G2E3: variants seen among roughly 807,000 people sequenced by gnomAD.
G2E3 encodes the protein G2/M-phase specific E3 ubiquitin protein ligase.
Under a neutral mutation model 92.8 loss-of-function variants are expected in G2E3, and 35 were observed. The observed-to-expected ratio is 0.38, with a 90% CI of 0.29 to 0.50. The LOEUF (loss-of-function observed/expected upper bound fraction) is 0.50. G2E3 is among the 20% of genes least tolerant of loss of function. G2E3 has a pLI of 0.94. For synonymous variants in G2E3, 242 were observed against 272.4 expected, an observed-to-expected ratio of 0.89 and a Z score of 1.10; for missense variants, 554 against 823.8, an observed-to-expected ratio of 0.67 and a Z score of 4.01.
intron 1 of G2E3, among the ~76,000 whole-genome samples, chr14:30,569,961 A>G (rs1446612459): frequency 6.6e-6 from 1 of 152,200 alleles, no homozygotes; most frequent in Non-Finnish European, 1.5e-5. Flanking sequence ...CAATTACGTT[A>G]TAATATCACC....
chr14:30,604,904 A>G lies in G2E3; in HGVS notation c.1011-601A>G, dbSNP rs541475716. ...CATTCATTCATTCATTCATTCATTC[A>G]TTCATTTATGAGACGGAGTTTCGCT... On this transcript the variant is annotated intron_variant, in intron 10 of 14. Transcript: ENST00000206595. 9.0e-4 allele frequency among the ~76,000 whole-genome samples: 133 copies of G among 147,076 alleles called. 1 individual carries two copies. Among genetic ancestry groups the G allele is most frequent in the African/African-American group, 3.5e-3 (129 of 36,804 alleles).
chr14:30,616,536 A>G lies in G2E3; in HGVS notation c.*2A>G, dbSNP rs1418001197. The G allele has an allele frequency of 1.3e-6, 2 of 1,577,844 alleles. No individual in the cohort carries two copies. The highest frequency in any genetic ancestry group is 2.7e-5 in the African/African-American group (2 of 72,936). Reference sequence around the variant, plus strand: ...AGTTCTCATTACATTGGACATTAAAATGTTTCCTTGAACAAAGAGAAGCTT... The same window carrying G: ...AGTTCTCATTACATTGGACATTAAAGTGTTTCCTTGAACAAAGAGAAGCTT... On this transcript the variant is annotated 3_prime_UTR_variant, in exon 15 of 15. Coordinates refer to ENST00000206595, the MANE Select transcript of G2E3 (RefSeq NM_017769.5).
chr14:30,592,543 T>C, intron 5 of G2E3, 96 bp downstream of exon 5: 1 of 963,098 alleles, frequency 1.0e-6, no homozygotes, highest in Non-Finnish European at 1.5e-6. Context: ...ATTTTCTGTT[T>C]AGAGCATCAG....
chr14:30,598,634 CT>C (rs1881407202), intron 8 of G2E3, 35 bp downstream of exon 8: 1 of 1,253,008 alleles, frequency 8.0e-7, no homozygotes, highest in Non-Finnish European at 1.2e-6. Flanking sequence ...TTAGTGGTTC[CT>C]TGTTTAAACC....
At position 30,565,650 on chromosome 14, in the gene G2E3, C is replaced by CTT. The variant is rs537643569; in HGVS notation, c.-5+6406_-5+6407dup. 4.0e-4 allele frequency among the ~76,000 whole-genome samples: 25 copies of CTT among 62,256 alleles called. 4 individuals carry two copies. Among genetic ancestry groups the CTT allele is most frequent in the East Asian group, 1.7e-3 (3 of 1,780 alleles). 40.8% of individuals were successfully genotyped at this position (62,256 alleles called of 152,430 possible). A position where few individuals can be genotyped will look rare whatever the true frequency, so the allele number is the denominator to read the frequency against. On this transcript the variant is annotated intron_variant, in intron 1 of 14. Coordinates refer to ENST00000206595, the MANE Select transcript of G2E3 (RefSeq NM_017769.5). ...GTGAGGTAGGGGTTCAACTTCATTCCTTTTTTTTTTTTTTTTTTTTTTTTT... is the reference window on the plus strand; with the variant it reads ...GTGAGGTAGGGGTTCAACTTCATTCCTTTTTTTTTTTTTTTTTTTTTTTTTTT...
intron 2 of G2E3, 96 bp downstream of exon 2, chr14:30,581,212 A>G (rs933652078): frequency 5.5e-6 from 4 of 731,644 alleles, no homozygotes; most frequent in Admixed American, 2.1e-5. Context: ...CCCTGGCACA[A>G]GCTTAGTTTG....
rs1881561971 is a variant in G2E3 at position 30,601,420 on chromosome 14, C to T, written c.753-350C>T. Among the ~76,000 whole-genome samples, 2 of 152,152 alleles carry T rather than the reference C, an allele frequency of 1.3e-5. 1 individual carries two copies. The highest frequency in any genetic ancestry group is 4.1e-4 in the South Asian group (2 of 4,826). On this transcript the variant is annotated intron_variant, in intron 8 of 14. Transcript: ENST00000206595. ...TACTGAATGTTTCTTCCATATCAGACACACTGACACAGCAATCTCCCTGTA... is the reference window on the plus strand; with the variant it reads ...TACTGAATGTTTCTTCCATATCAGATACACTGACACAGCAATCTCCCTGTA...
In G2E3 at chr14:30,605,723, A is replaced by G; in HGVS notation, c.1229A>G (p.Gln410Arg). 6.2e-7 allele frequency: 1 copy of G among 1,608,972 alleles called. No individual in the cohort carries two copies. The highest frequency in any genetic ancestry group is 2.2e-5 in the East Asian group (1 of 44,732). Residue 410 changes from glutamine to arginine, a missense_variant, in exon 11 of 15, where the codon CAA becomes CGA. By Grantham distance (43) the Gln-to-Arg change is conservative. This residue lies in a region of G2E3 where 397 missense variants were observed against 560.3 expected (regional missense o/e 0.71). Transcript: ENST00000206595. ...NFGSEHPGSK[Q>R]EFLSLLMQHL... ...GGAAGTGAGCATCCTGGATCAAAGCAAGAATTTCTGAGTCTCTTAATGCAA... is the reference window on the plus strand; with the variant it reads ...GGAAGTGAGCATCCTGGATCAAAGCGAGAATTTCTGAGTCTCTTAATGCAA...
intron 12 of G2E3, chr14:30,611,584 C>T (rs1240691735): frequency 6.6e-6 from 1 of 152,220 alleles, no homozygotes; most frequent in Middle Eastern, 3.4e-3. Flanking sequence ...TTTTAATTCT[C>T]AGCTGTTACT....
At chr14:30,597,661 TCTC>T in intron 7 of G2E3, 135 bp downstream of exon 7, 1 of 623,052 alleles carries the variant, frequency 1.6e-6, no homozygotes, top group South Asian at 2.0e-5. Flanking sequence ...TGCAAAACCT[TCTC>T]CTCCCCCACA....
intron 7 of G2E3, 146 bp downstream of exon 7, chr14:30,597,672 A>T: frequency 1.6e-6 from 1 of 607,368 alleles, no homozygotes; most frequent in Non-Finnish European, 3.0e-6. Flanking sequence ...CTCCTCCCCC[A>T]CATGGCCAGT....
intron 4 of G2E3, among the ~76,000 whole-genome samples, chr14:30,589,710 C>T (rs1272432497): frequency 5.3e-5 from 8 of 152,030 alleles, no homozygotes. Context: ...GACTTCACTT[C>T]CTTATCTTAT....
intron 3 of G2E3, among the ~76,000 whole-genome samples, chr14:30,587,843 A>G (rs1880798007): frequency 6.6e-6 from 1 of 152,202 alleles, no homozygotes; most frequent in Admixed American, 6.5e-5. Flanking sequence ...ACAGCCACAC[A>G]CTAATGTCAC....
rs1332490130 is a variant in G2E3 at position 30,619,570 on chromosome 14, A to G, written c.*3036A>G. 6.6e-6 allele frequency: 1 copy of G among 152,170 alleles called. No homozygotes were observed. The highest frequency in any genetic ancestry group is 1.5e-5 in the Non-Finnish European group (1 of 67,990). The allele number at this position is 152,170 out of a possible 1,614,324, so 9.4% of individuals were successfully genotyped here. A position where few individuals can be genotyped will look rare whatever the true frequency, so the allele number is the denominator to read the frequency against. On this transcript the variant is annotated 3_prime_UTR_variant, in exon 15 of 15. Transcript: ENST00000206595. ...ATGCAATACAAAACATAACCCATTTAATGATGAATTACTTGAATGTATATT... is the reference window on the plus strand; with the variant it reads ...ATGCAATACAAAACATAACCCATTTGATGATGAATTACTTGAATGTATATT...
chr14:30,615,605 G>T (rs1882277922), intron 14 of G2E3, 66 bp downstream of exon 14: 2 of 1,008,692 alleles, frequency 2.0e-6, no homozygotes, highest in Admixed American at 5.5e-5. Flanking sequence ...TTTGTTGGGG[G>T]TTTTATTTGT....
intron 4 of G2E3, 46 bp from the exon 5 acceptor site, chr14:30,592,277 C>G: frequency 3.2e-6 from 5 of 1,552,806 alleles, no homozygotes; most frequent in East Asian, 2.3e-5. Context: ...TATTATAATA[C>G]TCAGATTTTT....
intron 13 of G2E3, among the ~76,000 whole-genome samples, chr14:30,613,022 T>C (rs1182353863): frequency 6.6e-6 from 1 of 152,208 alleles, no homozygotes; most frequent in Admixed American, 6.5e-5. Context: ...TTGAGTACCT[T>C]TTATCTGCTG....
chr14:30,593,370 G>A, intron 5 of G2E3, 104 bp from the exon 6 acceptor site: 1 of 604,058 alleles, frequency 1.7e-6, no homozygotes, highest in Non-Finnish European at 2.9e-6. Context: ...GGTGAATTAT[G>A]AGACAGACAC....
At chr14:30,603,411 T>C (rs1280969578) in intron 10 of G2E3, among the ~76,000 whole-genome samples, 3 of 152,318 alleles carry the variant, frequency 2.0e-5, no homozygotes, top group East Asian at 3.8e-4. Context: ...ATCTTTATAA[T>C]GTTGGGTATT....
Sources: gnomAD v4.1 joint callset for allele counts (sites outside exome capture counted in the v4.1 genomes callset) on GRCh38, gnomAD v4.1.1 for gene constraint, gnomAD v4.1.1 regional missense constraint, MANE v1.5 for transcripts, NCBI Gene and HGNC (gene_info 2026-07-23, HGNC 2026-07-21) for gene names.